The following SUPT3H variants were observed in gnomAD, a reference collection of about 807,000 sequenced individuals.
The protein encoded by SUPT3H is transcription initiation protein SPT3 homolog.
SUPT3H carries 44 observed loss-of-function variants against 44.3 expected under a neutral mutation model. The ratio of observed to expected loss-of-function variants is 0.99; its 90% CI spans 0.78 to 1.28. The LOEUF (loss-of-function observed/expected upper bound fraction) is 1.28, where lower values mean the gene tolerates loss of function less well. Among genes scored for constraint, SUPT3H ranks in the 50% most tolerant of loss-of-function variants. The pLI, the probability that SUPT3H is intolerant of heterozygous loss-of-function variation, is 0.00. For synonymous variants in SUPT3H, 124 were observed against 125.6 expected (o/e 0.99, Z 0.09); for missense variants, 380 against 387.1 (o/e 0.98, Z 0.15).
At chr6:45,163,190 C>G (rs1043570222) in intron 2 of SUPT3H, among the ~76,000 whole-genome samples, 1 of 152,138 alleles carries the variant, frequency 6.6e-6, no homozygotes, top group African/African-American at 2.4e-5. Flanking sequence ...ACTTAAAAAG[C>G]TTTGCATTGC....
At chr6:45,172,599 T>A (rs1413618657) in intron 2 of SUPT3H, among the ~76,000 whole-genome samples, 65 of 150,638 alleles carry the variant, frequency 4.3e-4, no homozygotes, top group Admixed American at 7.3e-4. Flanking sequence ...ATATATTTTT[T>A]TTTTTTTTTT....
intron 3 of SUPT3H, among the ~76,000 whole-genome samples, chr6:45,102,664 G>A (rs547606525): frequency 8.0e-4 from 122 of 152,234 alleles, no homozygotes; most frequent in African/African-American, 2.8e-3. Context: ...GATGTTGACC[G>A]GGTGTGGTGG....
At chr6:45,057,333 A>C (rs1333678691) in intron 3 of SUPT3H, among the ~76,000 whole-genome samples, 1 of 152,152 alleles carries the variant, frequency 6.6e-6, no homozygotes, top group East Asian at 1.9e-4. Flanking sequence ...ATTTCTAGAC[A>C]TATGTAAAAG....
chr6:45,301,911 G>A (rs1782191325), intron 2 of SUPT3H, among the ~76,000 whole-genome samples: 1 of 152,072 alleles, frequency 6.6e-6, no homozygotes, highest in Admixed American at 6.6e-5. Flanking sequence ...CACTGTTTTA[G>A]ACTAGCCTCC....
intron 2 of SUPT3H, among the ~76,000 whole-genome samples, chr6:45,286,568 C>T (rs540330988): frequency 4.9e-4 from 75 of 152,178 alleles, no homozygotes; most frequent in Admixed American, 2.6e-3. Flanking sequence ...GTTAGAATGG[C>T]GATCATTAAA....
chr6:44,989,041 A>G (rs1278606442), intron 6 of SUPT3H, among the ~76,000 whole-genome samples: 1 of 152,106 alleles, frequency 6.6e-6, no homozygotes, highest in East Asian at 1.9e-4. Flanking sequence ...CATTTGGCCT[A>G]TAGTTGTATG....
chr6:45,153,372 GACA>G (rs1329541232), intron 2 of SUPT3H, among the ~76,000 whole-genome samples: 1 of 152,082 alleles, frequency 6.6e-6, no homozygotes, highest in East Asian at 1.9e-4. Context: ...CCTTAATAGG[GACA>G]ACAATAATTA....
chr6:44,826,579 G>A (rs1186803679), downstream of SUPT3H, among the ~76,000 whole-genome samples: 1 of 152,184 alleles, frequency 6.6e-6, no homozygotes, highest in East Asian at 1.9e-4. Context: ...CCAAATTCCA[G>A]GGGGGCAGAT....
intron 2 of SUPT3H, among the ~76,000 whole-genome samples, chr6:45,175,655 C>T (rs1488963422): frequency 6.6e-6 from 1 of 152,058 alleles, no homozygotes; most frequent in Non-Finnish European, 1.5e-5. Flanking sequence ...ATTTTGAAGG[C>T]ATCCTACATG....
At chr6:44,937,900 C>CTTTTTTT (rs746279156) in intron 9 of SUPT3H, among the ~76,000 whole-genome samples, 2 of 59,060 alleles carry the variant, frequency 3.4e-5, no homozygotes, top group Admixed American at 2.6e-4. Flanking sequence ...TGCTCACTAT[C>CTTTTTTT]TTTTTTTTTT....
intron 2 of SUPT3H, among the ~76,000 whole-genome samples, chr6:45,296,996 A>G (rs748878319): frequency 6.6e-5 from 10 of 151,442 alleles, no homozygotes; most frequent in African/African-American, 9.7e-5. Context: ...TGAGTACACC[A>G]AAATCTCACA....
At chr6:45,132,815 A>G (rs1188330683) in intron 2 of SUPT3H, among the ~76,000 whole-genome samples, 1 of 152,206 alleles carries the variant, frequency 6.6e-6, no homozygotes, top group Non-Finnish European at 1.5e-5. Context: ...CACTAACAAT[A>G]ACAGAAATGA....
At chr6:45,158,299 T>TATATATATATATATATATATATA (rs1491302388) in intron 2 of SUPT3H, among the ~76,000 whole-genome samples, 3 of 13,408 alleles carry the variant, frequency 2.2e-4, no homozygotes, top group African/African-American at 7.2e-4. Flanking sequence ...TATATATATA[T>TATATATATATATATATATATATA]TTTTTTTTTT....
intron 2 of SUPT3H, among the ~76,000 whole-genome samples, chr6:45,204,613 G>A (rs557183642): frequency 1.2e-4 from 18 of 152,178 alleles, no homozygotes; most frequent in Admixed American, 4.6e-4. Flanking sequence ...TTAACATATC[G>A]AGTCATCACA....
At chr6:45,353,790 T>A (rs1036076757) in intron 2 of SUPT3H, among the ~76,000 whole-genome samples, 3 of 151,906 alleles carry the variant, frequency 2.0e-5, no homozygotes, top group African/African-American at 4.8e-5. Context: ...TTTTTTTTTT[T>A]AATCACTATA....
chr6:45,284,226 C>A (rs959892542), intron 2 of SUPT3H, among the ~76,000 whole-genome samples: 1 of 151,914 alleles, frequency 6.6e-6, no homozygotes, highest in Non-Finnish European at 1.5e-5. Flanking sequence ...TAGCAGAAGG[C>A]AAGAAATAAC....
At chr6:45,187,101 T>TAAAA (rs70996308) in intron 2 of SUPT3H, among the ~76,000 whole-genome samples, 28 of 79,852 alleles carry the variant, frequency 3.5e-4, no homozygotes, top group Non-Finnish European at 4.8e-4. Context: ...TTTTCGCCTT[T>TAAAA]AAAAAAAAAA....
intron 6 of SUPT3H, among the ~76,000 whole-genome samples, chr6:44,988,972 G>A (rs561491952): frequency 6.6e-6 from 1 of 152,060 alleles, no homozygotes; most frequent in South Asian, 2.1e-4. Flanking sequence ...CGAATGAATT[G>A]TAAATTTTCT....
At chr6:45,176,308 G>A (rs1015550624) in intron 2 of SUPT3H, among the ~76,000 whole-genome samples, 13 of 151,862 alleles carry the variant, frequency 8.6e-5, no homozygotes, top group Non-Finnish European at 1.8e-4. Flanking sequence ...CAAAGAAAGG[G>A]GTGACGGACG....
Sources: gnomAD v4.1 joint callset for allele counts (sites outside exome capture counted in the v4.1 genomes callset) on GRCh38, gnomAD v4.1.1 for gene constraint, MANE v1.5 for transcripts, NCBI Gene and HGNC (gene_info 2026-07-23, HGNC 2026-07-21) for gene names.